Variants in ABCC8 observed in about 807,000 individuals in gnomAD.
ABCC8 encodes ATP-binding cassette sub-family C member 8.
ABCC8 carries 137 observed loss-of-function variants against 188.0 expected under a neutral mutation model. That is an observed-to-expected ratio of 0.73 (90% confidence interval 0.63 to 0.84). The LOEUF (loss-of-function observed/expected upper bound fraction) is 0.84. Ranked by LOEUF, ABCC8 falls within the 40% of genes least tolerant of loss-of-function variation. The pLI, the probability that ABCC8 is intolerant of heterozygous loss-of-function variation, is 0.00. For synonymous variants in ABCC8, 797 were observed against 846.5 expected (o/e 0.94, Z 1.01); for missense variants, 1,750 against 2,072.7 (o/e 0.84, Z 3.02).
chr11:17,395,910 G>C lies in ABCC8; in HGVS notation c.4140C>G (p.Thr1380=), dbSNP rs574684578. ...GAGAGAAGGAGGACTTCCCACTGCCGGTGCGGCCGCAGATCCCGATCTGGA... is the reference window on the plus strand; with the variant it reads ...GAGAGAAGGAGGACTTCCCACTGCCCGTGCGGCCGCAGATCCCGATCTGGA... The part of the protein sequence containing the change: ...PGQKIGICGR[T]GSGKSSFSLA... Residue 1380 remains threonine, a synonymous_variant, in exon 34 of 39, where the codon ACC becomes ACG. Transcript: ENST00000389817. 4 of 1,587,086 alleles carry C rather than the reference G, an allele frequency of 2.5e-6. No individual in the cohort carries two copies. Among genetic ancestry groups the C allele is most frequent in the Admixed American group, 1.8e-5 (1 of 57,030 alleles).
chr11:17,451,985 A>C (rs1458030022), intron 7 of ABCC8, among the ~76,000 whole-genome samples: 1 of 152,252 alleles, frequency 6.6e-6, no homozygotes, highest in African/African-American at 2.4e-5. Context: ...AAGTCACAAA[A>C]GAAGGCTGGC....
At chr11:17,469,651 C>T (rs929609659) in intron 3 of ABCC8, among the ~76,000 whole-genome samples, 2 of 152,246 alleles carry the variant, frequency 1.3e-5, no homozygotes, top group African/African-American at 2.4e-5. Flanking sequence ...CCTCTCCTGA[C>T]GCCTGCCCTC....
At position 17,427,236 on chromosome 11, in the gene ABCC8, G is replaced by A; in HGVS notation, c.2117-82C>T. On this transcript the variant is annotated intron_variant, in intron 15 of 38. Transcript: ENST00000389817. This position sits in a 1 kb window ranked among gnomAD's most constrained non-coding sequence, Gnocchi z 5.0. Reference sequence around the variant, plus strand: ...TACCCAGAAAGACAGACAGACAGATGCACCCAACCCTGGGGCCCCTGTTTT... The same window carrying A: ...TACCCAGAAAGACAGACAGACAGATACACCCAACCCTGGGGCCCCTGTTTT... 1.4e-6 allele frequency: 2 copies of A among 1,447,578 alleles called. No homozygotes were observed. Among genetic ancestry groups the A allele is most frequent in the African/African-American group, 1.4e-5 (1 of 71,226 alleles). 89.7% of individuals were successfully genotyped at this position (1,447,578 alleles called of 1,614,324 possible). A position where few individuals can be genotyped will look rare whatever the true frequency, so the allele number is the denominator to read the frequency against.
chr11:17,418,028 A>T (rs1393483009), intron 16 of ABCC8, among the ~76,000 whole-genome samples: 1 of 152,178 alleles, frequency 6.6e-6, no homozygotes, highest in African/African-American at 2.4e-5. Context: ...AAGTGCTGGG[A>T]TTACTGGCAG....
At chr11:17,432,034 A>AGTT (rs1463157401) in intron 11 of ABCC8, among the ~76,000 whole-genome samples, 170 bp downstream of exon 11, 2 of 152,112 alleles carry the variant, frequency 1.3e-5, no homozygotes, top group Admixed American at 1.3e-4. Context: ...GTTCGGCTGG[A>AGTT]GTTGGGGAGG....
chr11:17,412,739 T>C lies in ABCC8; in HGVS notation c.2483A>G (p.Asn828Ser), dbSNP rs1954875257. 1 of 1,609,160 alleles carries C rather than the reference T, an allele frequency of 6.2e-7. No homozygotes were observed. Among genetic ancestry groups the C allele is most frequent in the South Asian group, 1.1e-5 (1 of 89,778 alleles). ...DQTQIGERGINLSGGQRQRIS... is the reference protein window; with the variant it reads ...DQTQIGERGISLSGGQRQRIS... ...TCGCTGGCGTTGACCACCAGACAGG[T>C]TGATGCCCTGTCACCAAAGAGGAGG... Residue 828 changes from asparagine to serine, a missense_variant, in exon 21 of 39, where the codon AAC (asparagine) becomes AGC (serine). Coordinates refer to ENST00000389817, the MANE Select transcript of ABCC8 (RefSeq NM_000352.6).
intron 1 of ABCC8, among the ~76,000 whole-genome samples, chr11:17,476,293 C>T (rs1161492986): frequency 1.3e-5 from 2 of 152,208 alleles, no homozygotes; most frequent in Non-Finnish European, 2.9e-5. Flanking sequence ...GAGGGTGAGG[C>T]CCGACCCCTC....
intron 1 of ABCC8, among the ~76,000 whole-genome samples, chr11:17,475,674 TCTAA>T (rs1454538446): frequency 2.0e-5 from 3 of 152,246 alleles, no homozygotes; most frequent in Admixed American, 6.5e-5. Flanking sequence ...TCTATTTCTA[TCTAA>T]CTGTCTTTGT....
chr11:17,408,753 C>A (rs1223854006), intron 22 of ABCC8, among the ~76,000 whole-genome samples: 1 of 152,146 alleles, frequency 6.6e-6, no homozygotes, highest in Non-Finnish European at 1.5e-5. Context: ...GTTTGCAGAG[C>A]AAATTAGTGC....
chr11:17,435,826 G>A (rs1956069763), intron 10 of ABCC8: 2 of 1,251,498 alleles, frequency 1.6e-6, no homozygotes, highest in South Asian at 1.2e-5. Flanking sequence ...GAAGATGAGT[G>A]CAAACTTAGC....
At chr11:17,423,284 G>A (rs955420096) in intron 16 of ABCC8, among the ~76,000 whole-genome samples, 6 of 144,054 alleles carry the variant, frequency 4.2e-5, no homozygotes, top group Non-Finnish European at 7.5e-5. Flanking sequence ...TTGAACCTAG[G>A]AGGCAGAGCT....
Position 17,427,842 on chromosome 11 carries a change from G to A in ABCC8, c.2116+25C>T. 2 of 1,613,456 alleles carry A rather than the reference G, an allele frequency of 1.2e-6. No individual in the cohort carries two copies. Among genetic ancestry groups the A allele is most frequent in the East Asian group, 2.2e-5 (1 of 44,876 alleles). Reference sequence around the variant, plus strand: ...TTCAGTGGGACATGGGGAGGGGCATGCTGGAGGGGTGGACTGGGCCATACC... The same window carrying A: ...TTCAGTGGGACATGGGGAGGGGCATACTGGAGGGGTGGACTGGGCCATACC... On this transcript the variant is annotated intron_variant, in intron 15 of 38. Coordinates refer to ENST00000389817, the MANE Select transcript of ABCC8 (RefSeq NM_000352.6). The surrounding 1 kb of genome is among the most constrained non-coding windows in gnomAD (Gnocchi z 5.0).
At chr11:17,409,300 A>C (rs556162777) in intron 22 of ABCC8, among the ~76,000 whole-genome samples, 2 of 152,254 alleles carry the variant, frequency 1.3e-5, no homozygotes, top group Admixed American at 1.3e-4. Flanking sequence ...ACCATCACGT[A>C]GACCTGACAT....
intron 10 of ABCC8, among the ~76,000 whole-genome samples, chr11:17,434,828 G>A (rs1455938517): frequency 6.6e-6 from 1 of 152,114 alleles, no homozygotes; most frequent in African/African-American, 2.4e-5. Context: ...ATTAGCTTCT[G>A]CCCAGTTCTG....
intron 12 of ABCC8, chr11:17,429,101 A>C (rs1431901017): frequency 5.2e-6 from 1 of 190,524 alleles, no homozygotes; most frequent in African/African-American, 2.4e-5. Flanking sequence ...TCGGATCCCC[A>C]TAACAGCCTG....
In ABCC8 at chr11:17,404,844, C is replaced by T. The variant is rs530855641; in HGVS notation, c.3400-175G>A. The T allele has an allele frequency of 1.7e-6, 1 of 582,716 alleles. No individual in the cohort carries two copies. The highest frequency in any genetic ancestry group is 1.4e-4 in the East Asian group (1 of 7,012). The allele number at this position is 582,716 out of a possible 1,614,324, so 36.1% of individuals were successfully genotyped here. Reference sequence around the variant, plus strand: ...CAGCGTAATCTCGGTTCACGGCAGCCTCTGCCCCTTGGGTTCAAATGATTC... The same window carrying T: ...CAGCGTAATCTCGGTTCACGGCAGCTTCTGCCCCTTGGGTTCAAATGATTC... On this transcript the variant is annotated intron_variant, in intron 27 of 38. Transcript: ENST00000389817. The surrounding 1 kb of genome is among the most constrained non-coding windows in gnomAD (Gnocchi z 4.7).
intron 37 of ABCC8, 123 bp from the exon 38 acceptor site, chr11:17,393,882 C>G: frequency 6.3e-7 from 1 of 1,591,226 alleles, no homozygotes; most frequent in Non-Finnish European, 8.6e-7. Flanking sequence ...CTAGTCCCAC[C>G]CCCACCCCAC....
At chr11:17,425,724 C>T (rs192687735) in intron 16 of ABCC8, among the ~76,000 whole-genome samples, 1 of 152,052 alleles carries the variant, frequency 6.6e-6, no homozygotes, top group Non-Finnish European at 1.5e-5. Context: ...CTGGGATATA[C>T]GTGCAGAACG....
chr11:17,410,586 A>C lies in ABCC8; in HGVS notation c.2624T>G (p.Leu875Arg). The C allele has an allele frequency of 6.2e-7, 1 of 1,614,172 alleles. No homozygotes were observed. The highest frequency in any genetic ancestry group is 8.5e-7 in the Non-Finnish European group (1 of 1,180,024). Reference protein sequence around the residue: ...DHLMQAGILELLRDDKRTVVL... With the variant: ...DHLMQAGILERLRDDKRTVVL... ...CACTGTCCTCTTGTCGTCCCGGAGCAGCTCAAGGATGCCGGCCTGCATTAA... is the reference window on the plus strand; with the variant it reads ...CACTGTCCTCTTGTCGTCCCGGAGCCGCTCAAGGATGCCGGCCTGCATTAA... Residue 875 changes from leucine to arginine, a missense_variant, in exon 22 of 39, where the codon CTG (leucine) becomes CGG (arginine). Coordinates refer to ENST00000389817, the MANE Select transcript of ABCC8 (RefSeq NM_000352.6).
Sources: gnomAD v4.1 joint callset for allele counts (sites outside exome capture counted in the v4.1 genomes callset) on GRCh38, gnomAD v4.1.1 for gene constraint, Gnocchi (gnomAD v3.1) non-coding constraint, MANE v1.5 for transcripts, NCBI Gene and HGNC (gene_info 2026-07-23, HGNC 2026-07-21) for gene names.